The following SUMF1 variants were observed in gnomAD, a reference collection of about 807,000 sequenced individuals.
SUMF1 encodes the protein sulfatase modifying factor 1, also known as formylglycine-generating enzyme.
SUMF1 carries 48 observed loss-of-function variants against 47.6 expected under a neutral mutation model. The ratio of observed to expected loss-of-function variants is 1.01; its 90% CI spans 0.80 to 1.28. The LOEUF is 1.28. SUMF1 is among the 50% of genes most tolerant of loss of function. SUMF1 has a pLI of 0.00. For synonymous variants in SUMF1, 230 were observed against 192.1 expected, an observed-to-expected ratio of 1.20 and a Z score of -1.63; for missense variants, 571 against 485.4, an observed-to-expected ratio of 1.18 and a Z score of -1.66.
At chr3:4,452,789 A>G in intron 2 of SUMF1, 87 bp downstream of exon 2, 1 of 1,479,912 alleles carries the variant, frequency 6.8e-7, no homozygotes. Context: ...TGCAGTAAAA[A>G]TGGTCAGTCA....
At chr3:4,174,046 A>G (rs531035963) in intron 8 of SUMF1, among the ~76,000 whole-genome samples, 35 of 152,208 alleles carry the variant, frequency 2.3e-4, no homozygotes, top group African/African-American at 8.4e-4. Flanking sequence ...ATTAGCTAGT[A>G]TTAGCTAGGA....
At chr3:4,154,696 T>C (rs1028850682) in intron 8 of SUMF1, among the ~76,000 whole-genome samples, 1 of 151,580 alleles carries the variant, frequency 6.6e-6, no homozygotes, top group African/African-American at 2.4e-5. Flanking sequence ...TATTTCTTGA[T>C]TGCCTACTGT....
chr3:4,413,130 G>A (rs2819583), intron 6 of SUMF1, among the ~76,000 whole-genome samples: 36,033 of 151,762 alleles, frequency 0.24, 5,588 homozygotes, highest in Non-Finnish European at 0.34. Flanking sequence ...TCAGCCTCCC[G>A]AGTAGCTGGG....
At chr3:4,297,186 G>A (rs1575061662) in intron 8 of SUMF1, among the ~76,000 whole-genome samples, 2 of 151,350 alleles carry the variant, frequency 1.3e-5, no homozygotes, top group South Asian at 4.2e-4. Flanking sequence ...GGAGATCACT[G>A]TGTAATATAA....
intron 8 of SUMF1, among the ~76,000 whole-genome samples, chr3:4,142,891 G>C (rs536312704): frequency 2.2e-4 from 34 of 152,028 alleles, no homozygotes; most frequent in African/African-American, 8.0e-4. Context: ...AGCTCCAAAA[G>C]GATCCACAAT....
At chr3:4,317,527 AT>A (rs1225141777) in intron 8 of SUMF1, 1 of 221,606 alleles carries the variant, frequency 4.5e-6, no homozygotes, top group African/African-American at 2.3e-5. Context: ...TAATAAAATA[AT>A]TTTTTAAAAA....
intron 8 of SUMF1, among the ~76,000 whole-genome samples, chr3:4,225,053 G>A (rs1355086073): frequency 1.3e-5 from 2 of 152,100 alleles, no homozygotes; most frequent in Non-Finnish European, 2.9e-5. Flanking sequence ...CTGTGCACAA[G>A]AAGTGGCCAT....
At chr3:4,081,041 C>A (rs552677013) in intron 8 of SUMF1, among the ~76,000 whole-genome samples, 10 of 152,238 alleles carry the variant, frequency 6.6e-5, no homozygotes, top group African/African-American at 2.4e-4. Flanking sequence ...ACACATTAAG[C>A]GTTTAGCCCA....
chr3:4,319,953 A>T (rs1698789929), intron 8 of SUMF1, among the ~76,000 whole-genome samples: 1 of 152,190 alleles, frequency 6.6e-6, no homozygotes, highest in African/African-American at 2.4e-5. Context: ...GGAAAAGACA[A>T]AACAATAGAG....
chr3:4,347,080 T>TTTA (rs1377754361), intron 8 of SUMF1, among the ~76,000 whole-genome samples: 3 of 152,136 alleles, frequency 2.0e-5, no homozygotes, highest in Non-Finnish European at 4.4e-5. Context: ...CCAGACAGAT[T>TTTA]CACAGCTGGA....
At chr3:4,060,753 A>T (rs1695264162) in intron 9 of SUMF1, among the ~76,000 whole-genome samples, 1 of 152,208 alleles carries the variant, frequency 6.6e-6, no homozygotes, top group Admixed American at 6.5e-5. Flanking sequence ...CAAATGAGGG[A>T]CTACGCATAT....
At chr3:4,135,726 C>T (rs1448113975) in intron 8 of SUMF1, among the ~76,000 whole-genome samples, 1 of 152,116 alleles carries the variant, frequency 6.6e-6, no homozygotes, top group African/African-American at 2.4e-5. Flanking sequence ...CTAGAAAACC[C>T]CATCATCTCA....
chr3:4,040,909 A>C (rs1462029006), intron 9 of SUMF1, among the ~76,000 whole-genome samples: 1 of 152,182 alleles, frequency 6.6e-6, no homozygotes. Context: ...CCATAACCAA[A>C]AGTGTTCAAG....
At chr3:4,049,674 G>C (rs1695069672) in intron 9 of SUMF1, among the ~76,000 whole-genome samples, 1 of 152,128 alleles carries the variant, frequency 6.6e-6, no homozygotes, top group African/African-American at 2.4e-5. Flanking sequence ...GCCCAAATGG[G>C]CTGTGTTACA....
intron 1 of SUMF1, among the ~76,000 whole-genome samples, chr3:4,456,739 TACACAC>T (rs377013865): frequency 3.2e-5 from 3 of 94,524 alleles, no homozygotes; most frequent in African/African-American, 1.2e-4. Context: ...TGTGTATATA[TACACAC>T]ATATATACGT....
intron 8 of SUMF1, chr3:4,303,670 G>T: frequency 2.0e-6 from 3 of 1,486,340 alleles, no homozygotes; most frequent in South Asian, 1.3e-5. Flanking sequence ...GAATAGGTGT[G>T]CATGCCCCGG....
chr3:4,218,734 G>A (rs1454877265), intron 8 of SUMF1, among the ~76,000 whole-genome samples: 1 of 152,174 alleles, frequency 6.6e-6, no homozygotes, highest in Non-Finnish European at 1.5e-5. Flanking sequence ...CAGGCAATGA[G>A]CATAGTTTCC....
At chr3:4,166,307 G>C (rs1694705412) in intron 8 of SUMF1, among the ~76,000 whole-genome samples, 1 of 152,114 alleles carries the variant, frequency 6.6e-6, no homozygotes, top group Admixed American at 6.5e-5. Context: ...GGGATCTCCA[G>C]GGTTGGAGGA....
chr3:4,415,443 A>G (rs1701680966), intron 6 of SUMF1, among the ~76,000 whole-genome samples: 1 of 149,958 alleles, frequency 6.7e-6, no homozygotes, highest in Admixed American at 6.6e-5. Context: ...ATTCAACCAT[A>G]TATCTGAAAC....
Sources: gnomAD v4.1 joint callset for allele counts (sites outside exome capture counted in the v4.1 genomes callset) on GRCh38, gnomAD v4.1.1 for gene constraint, MANE v1.5 for transcripts, NCBI Gene and HGNC (gene_info 2026-07-23, HGNC 2026-07-21) for gene names.